CCDC180: variants seen among roughly 807,000 people sequenced by gnomAD.
The protein encoded by CCDC180 is coiled-coil domain containing 180.
A neutral mutation model predicts 209.2 loss-of-function variants in CCDC180; 154 were observed. That is an observed-to-expected ratio of 0.74 (90% CI 0.65 to 0.84). The LOEUF is 0.84. Among genes scored for constraint, CCDC180 ranks in the 40% least tolerant of loss-of-function variants. The pLI, the probability that CCDC180 is intolerant of heterozygous loss-of-function variation, is 0.00. For synonymous variants in CCDC180, 778 were observed against 749.1 expected (o/e 1.04, Z -0.63); for missense variants, 1,874 against 1,997.3 (o/e 0.94, Z 1.18).
chr9:97,322,745 G>T, intron 11 of CCDC180, 88 bp from the exon 12 acceptor site: 2 of 1,077,954 alleles, frequency 1.9e-6, no homozygotes, highest in South Asian at 1.3e-5. Context: ...TTGCTGTGGA[G>T]GCATTTTGCT....
At chr9:97,356,718 T>G (rs1051103874) in intron 24 of CCDC180, among the ~76,000 whole-genome samples, 1 of 152,272 alleles carries the variant, frequency 6.6e-6, no homozygotes, top group Non-Finnish European at 1.5e-5. Context: ...ATCTGGGGAC[T>G]GTTCACAGTG....
chr9:97,342,787 C>T (rs533995703), intron 18 of CCDC180, among the ~76,000 whole-genome samples: 1 of 152,326 alleles, frequency 6.6e-6, no homozygotes, highest in South Asian at 2.1e-4. Flanking sequence ...CTCAAAAGCT[C>T]CATATTCAAG....
At chr9:97,342,996 G>A (rs1159837943) in intron 18 of CCDC180, among the ~76,000 whole-genome samples, 1 of 152,178 alleles carries the variant, frequency 6.6e-6, no homozygotes, top group Non-Finnish European at 1.5e-5. Context: ...ATGCCCACAG[G>A]TATGTAATAG....
intron 25 of CCDC180, chr9:97,358,087 A>G (rs1826636610): frequency 5.6e-6 from 1 of 179,068 alleles, no homozygotes; most frequent in Middle Eastern, 2.0e-3. Context: ...TGCCCCCTGA[A>G]CAACCACTTT....
chr9:97,332,503 A>T (rs890196384), intron 18 of CCDC180, among the ~76,000 whole-genome samples: 1 of 152,202 alleles, frequency 6.6e-6, no homozygotes, highest in African/African-American at 2.4e-5. Context: ...ATCCATGAAC[A>T]TGGGATGTTT....
At chr9:97,353,243 C>T (rs937899794) in intron 22 of CCDC180, among the ~76,000 whole-genome samples, 2 of 152,074 alleles carry the variant, frequency 1.3e-5, no homozygotes, top group African/African-American at 2.4e-5. Flanking sequence ...GTGATCCACC[C>T]GCCTCGGCCT....
intron 13 of CCDC180, 91 bp from the exon 14 acceptor site, chr9:97,324,928 C>T (rs777544191): frequency 8.9e-5 from 109 of 1,223,584 alleles, no homozygotes; most frequent in Non-Finnish European, 6.7e-5. Flanking sequence ...ACTGTTCAGT[C>T]GTTAGAGACA....
intron 18 of CCDC180, among the ~76,000 whole-genome samples, chr9:97,342,944 A>G (rs1001198533): frequency 1.3e-5 from 2 of 152,230 alleles, no homozygotes; most frequent in African/African-American, 4.8e-5. Flanking sequence ...ATTGCTGTGG[A>G]AAAATTGTAG....
At chr9:97,323,691 C>T (rs1014126711) in intron 12 of CCDC180, 90 bp from the exon 13 acceptor site, 7 of 1,423,436 alleles carry the variant, frequency 4.9e-6, no homozygotes, top group African/African-American at 4.3e-5. Flanking sequence ...TCAGGTCTGA[C>T]TTGTGCAACG....
At chr9:97,335,465 G>C (rs185291378) in intron 18 of CCDC180, among the ~76,000 whole-genome samples, 10 of 152,256 alleles carry the variant, frequency 6.6e-5, no homozygotes, top group Admixed American at 2.0e-4. Context: ...TGCTCAGAAT[G>C]ATGGTTTCCA....
intron 18 of CCDC180, among the ~76,000 whole-genome samples, chr9:97,337,291 G>T (rs187328187): frequency 2.0e-5 from 3 of 152,292 alleles, no homozygotes; most frequent in Non-Finnish European, 2.9e-5. Flanking sequence ...TATGATACTG[G>T]CTGTGGGTTT....
In CCDC180 at chr9:97,317,101, C is replaced by G; in HGVS notation, c.832C>G (p.Leu278Val). 6.2e-7 allele frequency: 1 copy of G among 1,613,454 alleles called. No individual in the cohort carries two copies. Among genetic ancestry groups the G allele is most frequent in the Non-Finnish European group, 8.5e-7 (1 of 1,179,840 alleles). The stretch of plus-strand genomic sequence containing the variant: ...TGCCCTGCTGGGCAACCGGAAGGCT[C>G]TCGCCCAGCTGTTTGTCAACCTGAT... The part of the protein sequence containing the change: ...NYALLGNRKA[L>V]AQLFVNLMES... Residue 278 changes from leucine (L) to valine (V), a missense_variant, in exon 9 of 37, where the codon CTC becomes GTC. Coordinates refer to ENST00000529487, the MANE Select transcript of CCDC180 (RefSeq NM_020893.6).
chr9:97,356,410 G>A (rs1433866406), intron 24 of CCDC180, among the ~76,000 whole-genome samples: 3 of 152,170 alleles, frequency 2.0e-5, no homozygotes, highest in African/African-American at 7.2e-5. Context: ...TCATCCATCT[G>A]TGAAATGGGA....
At chr9:97,364,190 A>G in intron 29 of CCDC180, 62 bp downstream of exon 29, 2 of 1,490,234 alleles carry the variant, frequency 1.3e-6, no homozygotes, top group East Asian at 4.7e-5. Flanking sequence ...AGGGGCAGCA[A>G]ATGTGACTCA....
chr9:97,353,074 G>T (rs1214777655), intron 22 of CCDC180, among the ~76,000 whole-genome samples: 1 of 152,006 alleles, frequency 6.6e-6, no homozygotes, highest in Non-Finnish European at 1.5e-5. Context: ...TCCACTTACT[G>T]CAACCTCCAC....
In CCDC180 at chr9:97,354,971, G is replaced by A. The variant is rs150203765; in HGVS notation, c.3227G>A (p.Arg1076Gln). 90 of 1,613,808 alleles carry A rather than the reference G, an allele frequency of 5.6e-5. 1 individual carries two copies. In the African/African-American group the frequency reaches 9.6e-4, roughly 17 times the overall value. ...VDLIFIEKIQRLLTNLQVKIK... is the reference protein window; with the variant it reads ...VDLIFIEKIQQLLTNLQVKIK... ...CTTATTTTCATAGAGAAAATCCAGCGGTTGCTGACGAATCTGCAAGTGAAA... is the reference window on the plus strand; with the variant it reads ...CTTATTTTCATAGAGAAAATCCAGCAGTTGCTGACGAATCTGCAAGTGAAA... Residue 1076 changes from arginine to glutamine, a missense_variant, in exon 24 of 37, where the codon CGG (arginine) becomes CAG (glutamine). Arg to Gln is a conservative substitution (Grantham distance 43). Coordinates refer to ENST00000529487, the MANE Select transcript of CCDC180 (RefSeq NM_020893.6).
At chr9:97,376,595 G>T in intron 36 of CCDC180, 168 bp from the exon 37 acceptor site, 2 of 660,996 alleles carry the variant, frequency 3.0e-6, no homozygotes, top group East Asian at 5.9e-5. Context: ...GTAAAATGGG[G>T]AAAACAACTA....
In CCDC180 at chr9:97,365,695, AC is replaced by A. The variant is rs758303307; in HGVS notation, c.4006del (p.Leu1336SerfsTer10). The A allele has an allele frequency of 6.2e-7, 1 of 1,613,782 alleles. No individual in the cohort carries two copies. The highest frequency in any genetic ancestry group is 1.3e-5 in the African/African-American group (1 of 74,802). On this transcript the variant is annotated frameshift_variant, in exon 30 of 37. Transcript: ENST00000529487. LOFTEE classifies it high-confidence loss of function. ...AAEDFKGIIL[T>X]LLWESSENLL... is the part of the protein sequence containing the mutation. ...CAGGGATTTTAAGGGGATCATCTTG[AC>A]CCTCCTCTGGGAGAGCAGTGAGAAC...
At chr9:97,353,722 G>A (rs1321952253) in intron 22 of CCDC180, among the ~76,000 whole-genome samples, 1 of 152,192 alleles carries the variant, frequency 6.6e-6, no homozygotes, top group Non-Finnish European at 1.5e-5. Flanking sequence ...GTAAATGTAT[G>A]TGAAGTCTAG....
Sources: allele counts gnomAD v4.1 joint callset (sites outside exome capture counted in the v4.1 genomes callset), GRCh38; gene constraint gnomAD v4.1.1; transcripts MANE v1.5; gene names NCBI Gene and HGNC (gene_info 2026-07-23, HGNC 2026-07-21).